Variants in OR2L13 observed in about 807,000 individuals in gnomAD.
OR2L13 encodes olfactory receptor 2L13.
A neutral mutation model predicts 15.3 loss-of-function variants in OR2L13; 14 were observed. The ratio of observed to expected loss-of-function variants is 0.91; its 90% CI spans 0.60 to 1.43. The LOEUF (loss-of-function observed/expected upper bound fraction) is 1.43. Ranked by LOEUF, OR2L13 falls within the 40% of genes most tolerant of loss-of-function variation. The pLI, the probability that OR2L13 is intolerant of heterozygous loss-of-function variation, is 0.00. For synonymous variants in OR2L13, 152 were observed against 142.9 expected (o/e 1.06, Z -0.45); for missense variants, 367 against 387.9 (o/e 0.95, Z 0.45).
chr1:248,085,321 G>A, the OR2L13 span, among the ~76,000 whole-genome samples: 2 of 151,038 alleles, frequency 1.3e-5, no homozygotes, highest in Admixed American at 1.3e-4. Context: ...AATCACTACT[G>A]TCCAAACCAC....
chr1:248,001,103 GTACA>G, the OR2L13 span, among the ~76,000 whole-genome samples: 2 of 152,036 alleles, frequency 1.3e-5, no homozygotes, highest in South Asian at 2.1e-4. Context: ...TTGTGTGTGT[GTACA>G]TACATATGCA....
chr1:247,956,586 T>A, the OR2L13 span, among the ~76,000 whole-genome samples: 1 of 151,554 alleles, frequency 6.6e-6, no homozygotes, highest in East Asian at 1.9e-4. Flanking sequence ...GCATGGAATG[T>A]TCTTCCATTT....
chr1:248,078,696 A>G, the OR2L13 span, among the ~76,000 whole-genome samples: 1 of 152,156 alleles, frequency 6.6e-6, no homozygotes, highest in African/African-American at 2.4e-5. Context: ...CTTCACTTGT[A>G]ATAGCAAAAT....
chr1:247,948,728 G>A, the OR2L13 span: 1 of 681,266 alleles, frequency 1.5e-6, no homozygotes, highest in Non-Finnish European at 2.6e-6. Flanking sequence ...GTGTATTTAG[G>A]GTTCAGTATC....
the OR2L13 span, among the ~76,000 whole-genome samples, chr1:247,969,731 A>T: frequency 1.3e-5 from 2 of 152,200 alleles, no homozygotes; most frequent in Non-Finnish European, 2.9e-5. Flanking sequence ...AATGTGATCC[A>T]GTTGGCATTT....
the OR2L13 span, among the ~76,000 whole-genome samples, chr1:247,993,211 A>G: frequency 6.6e-6 from 1 of 152,046 alleles, no homozygotes; most frequent in East Asian, 1.9e-4. Context: ...TAACTTCTGC[A>G]TTTTTAATGG....
At chr1:248,042,256 CA>C in the OR2L13 span, 1 of 149,410 alleles carries the variant, frequency 6.7e-6, no homozygotes. Context: ...ATCACAAGAA[CA>C]AAAAACCAAA....
At chr1:247,966,936 G>A in the OR2L13 span, among the ~76,000 whole-genome samples, 2 of 152,092 alleles carry the variant, frequency 1.3e-5, no homozygotes, top group African/African-American at 4.8e-5. Flanking sequence ...AATCATGACA[G>A]GTGGCAGTAG....
the OR2L13 span, among the ~76,000 whole-genome samples, chr1:248,002,519 A>G: frequency 6.6e-6 from 1 of 152,210 alleles, no homozygotes; most frequent in African/African-American, 2.4e-5. Flanking sequence ...AATGTATTCA[A>G]GCTTCATCCA....
chr1:247,942,810 C>T, the OR2L13 span, among the ~76,000 whole-genome samples: 4 of 152,198 alleles, frequency 2.6e-5, no homozygotes, highest in South Asian at 2.1e-4. Flanking sequence ...TCATCCCTAT[C>T]GTGCATATCC....
At chr1:247,941,817 A>G in the OR2L13 span, among the ~76,000 whole-genome samples, 1 of 152,164 alleles carries the variant, frequency 6.6e-6, no homozygotes, top group Non-Finnish European at 1.5e-5. Context: ...GCAGGGATAC[A>G]GGAATGTCTC....
the OR2L13 span, among the ~76,000 whole-genome samples, chr1:247,940,038 A>G: frequency 6.6e-6 from 1 of 152,232 alleles, no homozygotes; most frequent in Non-Finnish European, 1.5e-5. Context: ...TTTCTTTTCA[A>G]AAATCTACAA....
the OR2L13 span, among the ~76,000 whole-genome samples, chr1:247,976,426 A>C: frequency 6.6e-6 from 1 of 152,238 alleles, no homozygotes; most frequent in Non-Finnish European, 1.5e-5. Flanking sequence ...CATGTGCCTA[A>C]AAGCATCAAC....
chr1:247,964,931 A>G, the OR2L13 span, among the ~76,000 whole-genome samples: 1 of 149,376 alleles, frequency 6.7e-6, no homozygotes, highest in African/African-American at 2.4e-5. Flanking sequence ...ATGTTTATAG[A>G]TACGTGTATA....
the OR2L13 span, among the ~76,000 whole-genome samples, chr1:248,047,719 T>C: frequency 2.0e-5 from 3 of 152,168 alleles, no homozygotes; most frequent in Admixed American, 6.5e-5. Flanking sequence ...CAAATGAGCA[T>C]AGTATGTGGA....
the OR2L13 span, among the ~76,000 whole-genome samples, chr1:248,002,686 G>T: frequency 1.3e-5 from 2 of 151,998 alleles, no homozygotes; most frequent in African/African-American, 4.8e-5. Context: ...GTGAAACCCC[G>T]TCTCTACCAA....
At chr1:247,954,960 A>ATTT in the OR2L13 span, among the ~76,000 whole-genome samples, 495 of 151,594 alleles carry the variant, frequency 3.3e-3, 1 homozygote, top group Admixed American at 9.4e-3. Context: ...ATATATATAT[A>ATTT]TTTTTACTTT....
the OR2L13 span, among the ~76,000 whole-genome samples, chr1:248,008,189 T>G: frequency 6.6e-6 from 1 of 152,162 alleles, no homozygotes; most frequent in Non-Finnish European, 1.5e-5. Context: ...GCAGTTGACC[T>G]GAATAAATAA....
the OR2L13 span, chr1:247,965,259 A>G: frequency 2.4e-6 from 3 of 1,258,846 alleles, no homozygotes; most frequent in African/African-American, 4.6e-5. Flanking sequence ...ATAGTTGCCA[A>G]ACATGTAAGT....
Sources: gnomAD v4.1 joint callset for allele counts (sites outside exome capture counted in the v4.1 genomes callset) on GRCh38, gnomAD v4.1.1 for gene constraint, MANE v1.5 for transcripts, NCBI Gene and HGNC (gene_info 2026-07-23, HGNC 2026-07-21) for gene names.